RNLS: variants seen among roughly 807,000 people sequenced by gnomAD.
RNLS encodes the protein renalase, FAD dependent amine oxidase.
Under a neutral mutation model 39.8 loss-of-function variants are expected in RNLS, and 39 were observed. The observed-to-expected ratio is 0.98, with a 90% confidence interval of 0.76 to 1.28. The LOEUF is 1.28. RNLS is among the 50% of genes most tolerant of loss of function. The pLI is 0.00. For missense variants in RNLS, 410 were observed against 413.3 expected, an observed-to-expected ratio of 0.99 and a Z score of 0.07; for synonymous variants, 147 against 150.7, an observed-to-expected ratio of 0.98 and a Z score of 0.18.
chr10:88,258,247 T>A, the RNLS span, among the ~76,000 whole-genome samples: 29 of 152,302 alleles, frequency 1.9e-4, no homozygotes, highest in South Asian at 5.6e-3. Context: ...GACGGTGACA[T>A]TGGTGCAAAT....
intron 4 of RNLS, among the ~76,000 whole-genome samples, chr10:88,438,771 C>T (rs1253409776): frequency 6.6e-6 from 1 of 152,156 alleles, no homozygotes; most frequent in East Asian, 1.9e-4. Flanking sequence ...ACTTTGGTTG[C>T]TCCTCTTGGC....
chr10:88,337,202 T>G (rs972175093), intron 5 of RNLS, among the ~76,000 whole-genome samples: 27 of 152,212 alleles, frequency 1.8e-4, no homozygotes, highest in Admixed American at 1.7e-3. Flanking sequence ...ACATAATAGA[T>G]GCAAGAAATC....
chr10:88,385,825 T>C (rs1419710546), intron 4 of RNLS, among the ~76,000 whole-genome samples: 1 of 152,162 alleles, frequency 6.6e-6, no homozygotes, highest in Non-Finnish European at 1.5e-5. Context: ...AGAAGAGAAG[T>C]TACAGGCAGA....
intron 4 of RNLS, among the ~76,000 whole-genome samples, chr10:88,500,428 G>T (rs1845409866): frequency 6.6e-6 from 1 of 152,076 alleles, no homozygotes; most frequent in Non-Finnish European, 1.5e-5. Flanking sequence ...AGTGATTTTG[G>T]ACTAAATTGG....
intron 4 of RNLS, among the ~76,000 whole-genome samples, chr10:88,366,205 G>A (rs1272038496): frequency 6.6e-6 from 1 of 152,106 alleles, no homozygotes; most frequent in African/African-American, 2.4e-5. Context: ...ATTTTATATA[G>A]ACTGTCAGGG....
the RNLS span, among the ~76,000 whole-genome samples, chr10:88,179,061 A>G: frequency 6.6e-6 from 1 of 152,270 alleles, no homozygotes; most frequent in Non-Finnish European, 1.5e-5. Context: ...CTAAAAAAAG[A>G]AAAGAAAAGG....
the RNLS span, among the ~76,000 whole-genome samples, chr10:88,184,065 A>G: frequency 6.6e-6 from 1 of 152,266 alleles, no homozygotes; most frequent in Non-Finnish European, 1.5e-5. Context: ...TTCAGTCCTT[A>G]AAGATGAACT....
chr10:88,538,201 C>T (rs906924338), intron 4 of RNLS, among the ~76,000 whole-genome samples: 8 of 152,062 alleles, frequency 5.3e-5, no homozygotes, highest in African/African-American at 1.9e-4. Flanking sequence ...GGAGATTAAC[C>T]TGTGACTCCC....
the RNLS span, among the ~76,000 whole-genome samples, chr10:88,171,592 C>A: frequency 6.6e-6 from 1 of 152,122 alleles, no homozygotes; most frequent in Non-Finnish European, 1.5e-5. Context: ...AATCATTGTA[C>A]ATATTTGTGG....
At chr10:88,562,976 T>C (rs565657181) in intron 4 of RNLS, among the ~76,000 whole-genome samples, 38 of 152,232 alleles carry the variant, frequency 2.5e-4, no homozygotes, top group Non-Finnish European at 4.6e-4. Context: ...TCTCCATAAA[T>C]ATTATAAAAT....
chr10:88,484,037 A>T (rs1158179392), intron 4 of RNLS, among the ~76,000 whole-genome samples: 1 of 152,064 alleles, frequency 6.6e-6, no homozygotes, highest in Non-Finnish European at 1.5e-5. Flanking sequence ...ATAACACACG[A>T]TTCTGAAAAG....
chr10:88,581,294 G>GTGTATATATATATATATATA (rs1376395535), intron 3 of RNLS, among the ~76,000 whole-genome samples: 28 of 129,850 alleles, frequency 2.2e-4, no homozygotes, highest in Non-Finnish European at 3.4e-4. Context: ...GTGTGTGTGT[G>GTGTATATATATATATATATA]TATATATATA....
At chr10:88,204,306 G>A in the RNLS span, among the ~76,000 whole-genome samples, 1 of 152,172 alleles carries the variant, frequency 6.6e-6, no homozygotes, top group Non-Finnish European at 1.5e-5. Context: ...TCAAATGTCT[G>A]TCGGAATCAG....
chr10:88,343,721 T>C, intron 5 of RNLS: 1 of 985,418 alleles, frequency 1.0e-6, no homozygotes, highest in Non-Finnish European at 1.2e-6. Context: ...GAAGATTTTC[T>C]TTGGCCGACA....
intron 4 of RNLS, among the ~76,000 whole-genome samples, chr10:88,510,309 C>T (rs941706308): frequency 6.6e-6 from 1 of 151,998 alleles, no homozygotes; most frequent in Admixed American, 6.6e-5. Context: ...TTCTATCCAT[C>T]CTGATATAAA....
At chr10:88,328,667 GAACA>G (rs1467184709) in intron 5 of RNLS, among the ~76,000 whole-genome samples, 1 of 152,158 alleles carries the variant, frequency 6.6e-6, no homozygotes. Context: ...AATTGAAAGT[GAACA>G]AATACCTTTA....
At chr10:88,447,987 C>T (rs1479366060) in intron 4 of RNLS, among the ~76,000 whole-genome samples, 1 of 152,192 alleles carries the variant, frequency 6.6e-6, no homozygotes, top group African/African-American at 2.4e-5. Flanking sequence ...CCTTTCCTTA[C>T]ACCTTATACA....
intron 4 of RNLS, among the ~76,000 whole-genome samples, chr10:88,396,741 T>C (rs1238904415): frequency 6.7e-6 from 1 of 149,786 alleles, no homozygotes; most frequent in Non-Finnish European, 1.5e-5. Flanking sequence ...CTATGCTCTC[T>C]ATAAGAGGTG....
chr10:88,370,927 A>C (rs1850512963), intron 4 of RNLS, among the ~76,000 whole-genome samples: 1 of 152,148 alleles, frequency 6.6e-6, no homozygotes, highest in Non-Finnish European at 1.5e-5. Context: ...CTAGAAGCAC[A>C]GTTTTAGAAA....
Sources: allele counts gnomAD v4.1 joint callset (sites outside exome capture counted in the v4.1 genomes callset), GRCh38; gene constraint gnomAD v4.1.1; transcripts MANE v1.5; gene names NCBI Gene and HGNC (gene_info 2026-07-23, HGNC 2026-07-21).